Variants in ZPLD1 observed in about 807,000 individuals in gnomAD.
The protein encoded by ZPLD1 is zona pellucida like domain containing 1.
ZPLD1 carries 34 observed loss-of-function variants against 47.2 expected under a neutral mutation model. The ratio of observed to expected loss-of-function variants is 0.72; its 90% CI spans 0.55 to 0.96. The LOEUF is 0.96. Ranked by LOEUF, ZPLD1 falls within the 40% of genes least tolerant of loss-of-function variation. The pLI is 0.00. For synonymous variants in ZPLD1, 176 were observed against 186.2 expected (o/e 0.95, Z 0.45); for missense variants, 512 against 505.8 (o/e 1.01, Z -0.12).
At chr3:102,393,584 A>G (rs766016811) in intron 7 of ZPLD1, among the ~76,000 whole-genome samples, 18 of 152,040 alleles carry the variant, frequency 1.2e-4, no homozygotes, top group Non-Finnish European at 2.2e-4. Context: ...CATGGCAGAA[A>G]TCTACCTAAC....
chr3:102,453,225 A>G (rs1707366453), intron 4 of ZPLD1, 86 bp downstream of exon 4: 1 of 1,209,664 alleles, frequency 8.3e-7, no homozygotes, highest in Non-Finnish European at 1.2e-6. Context: ...TGCCCAATCT[A>G]TCTCTTGAGA....
chr3:102,474,162 C>G (rs543613640), intron 10 of ZPLD1, among the ~76,000 whole-genome samples: 34 of 152,254 alleles, frequency 2.2e-4, no homozygotes, highest in Admixed American at 2.2e-3. Flanking sequence ...AATGCAACCC[C>G]TCAAGAAAAA....
In ZPLD1 at chr3:102,438,595, T is replaced by C. The variant is rs1393483117; in HGVS notation, c.106+2T>C. The C allele has an allele frequency of 6.2e-7, 1 of 1,605,812 alleles. No individual in the cohort carries two copies. The highest frequency in any genetic ancestry group is 8.5e-7 in the Non-Finnish European group (1 of 1,172,564). ...CCAACCTCCACAGTAGATTTCCTGG[T>C]AAGTGTAAGCCTAATCTATTCTCTA... On this transcript the variant is annotated splice_donor_variant, in intron 3 of 11. Coordinates refer to ENST00000466937, the MANE Select transcript of ZPLD1 (RefSeq NM_001329788.2). LOFTEE classifies it high-confidence loss of function.
At chr3:102,444,420 C>T (rs141144792) in intron 3 of ZPLD1, among the ~76,000 whole-genome samples, 4 of 152,144 alleles carry the variant, frequency 2.6e-5, no homozygotes, top group African/African-American at 4.8e-5. Flanking sequence ...GTTGGTATTT[C>T]GTGTAGATGA....
chr3:102,391,610 A>G (rs1286588763), intron 6 of ZPLD1, among the ~76,000 whole-genome samples: 1 of 152,074 alleles, frequency 6.6e-6, no homozygotes, highest in Non-Finnish European at 1.5e-5. Context: ...AGGATCCAAT[A>G]GCCAGAACCT....
Position 102,478,367 on chromosome 3 carries a change from A to G in ZPLD1, c.*749A>G, listed in dbSNP as rs1176594953. ...ACCAGCACATGTTAACTCTCCTCCC[A>G]GGTAAACAGTTCAGCTGCTGTTGCA... On this transcript the variant is annotated 3_prime_UTR_variant, in exon 12 of 12. Coordinates refer to ENST00000466937, the MANE Select transcript of ZPLD1 (RefSeq NM_001329788.2). 1 of 151,700 alleles carries G rather than the reference A, an allele frequency of 6.6e-6. No homozygotes were observed. Among genetic ancestry groups the G allele is most frequent in the African/African-American group, 2.4e-5 (1 of 41,328 alleles). The allele number at this position is 151,700 out of a possible 1,614,324, so 9.4% of individuals were successfully genotyped here. A position where few individuals can be genotyped will look rare whatever the true frequency, so the allele number is the denominator to read the frequency against.
At chr3:102,385,487 C>T (rs1242439068) in intron 6 of ZPLD1, among the ~76,000 whole-genome samples, 1 of 152,084 alleles carries the variant, frequency 6.6e-6, no homozygotes, top group East Asian at 1.9e-4. Flanking sequence ...CATAAATAAT[C>T]CTTGAAATAC....
intron 3 of ZPLD1, among the ~76,000 whole-genome samples, chr3:102,445,927 G>A (rs1707249499): frequency 6.6e-6 from 1 of 152,090 alleles, no homozygotes; most frequent in Non-Finnish European, 1.5e-5. Context: ...TATTTAATGA[G>A]TTGCATTTTC....
At chr3:102,475,490 A>C (rs1198501869) in intron 10 of ZPLD1, among the ~76,000 whole-genome samples, 1 of 152,224 alleles carries the variant, frequency 6.6e-6, no homozygotes, top group Non-Finnish European at 1.5e-5. Context: ...ATAGCTTTCA[A>C]AAATAAATTT....
intron 5 of ZPLD1, among the ~76,000 whole-genome samples, chr3:102,456,882 G>A (rs761278715): frequency 1.8e-4 from 28 of 152,356 alleles, no homozygotes; most frequent in Non-Finnish European, 3.5e-4. Context: ...CTGGAAGGGT[G>A]CTCATGATTC....
At chr3:102,467,545 A>AAGAT (rs1402164660) in intron 8 of ZPLD1, among the ~76,000 whole-genome samples, 3 of 152,106 alleles carry the variant, frequency 2.0e-5, no homozygotes, top group Non-Finnish European at 4.4e-5. Flanking sequence ...AATTTAGTGT[A>AAGAT]AGATAGAGTG....
intron 8 of ZPLD1, among the ~76,000 whole-genome samples, chr3:102,466,172 C>T (rs1008206137): frequency 6.6e-6 from 1 of 152,160 alleles, no homozygotes; most frequent in African/African-American, 2.4e-5. Flanking sequence ...GAACCCAGGG[C>T]TGATGGTAGA....
At chr3:102,450,071 C>T (rs1707313579) in intron 3 of ZPLD1, among the ~76,000 whole-genome samples, 3 of 152,102 alleles carry the variant, frequency 2.0e-5, no homozygotes, top group South Asian at 4.1e-4. Context: ...AACAGAGTGG[C>T]ATACCTTAGA....
chr3:102,397,100 T>C (rs929867362), intron 7 of ZPLD1, among the ~76,000 whole-genome samples: 2 of 152,140 alleles, frequency 1.3e-5, no homozygotes, highest in African/African-American at 4.8e-5. Flanking sequence ...TGTTAGTTGC[T>C]TTTGAATAAA....
chr3:102,416,309 TATA>T (rs1258472907), intron 7 of ZPLD1, among the ~76,000 whole-genome samples: 1 of 151,876 alleles, frequency 6.6e-6, no homozygotes, highest in Non-Finnish European at 1.5e-5. Flanking sequence ...ACTTGTAGGG[TATA>T]TGGGTAGTGG....
chr3:102,471,954 T>C (rs1707692268), intron 10 of ZPLD1, among the ~76,000 whole-genome samples: 2 of 152,198 alleles, frequency 1.3e-5, no homozygotes, highest in South Asian at 2.1e-4. Flanking sequence ...TTAATGCTGT[T>C]ATTATGTTTC....
intron 5 of ZPLD1, among the ~76,000 whole-genome samples, chr3:102,456,889 A>G (rs1234674116): frequency 6.6e-6 from 1 of 152,186 alleles, no homozygotes; most frequent in Non-Finnish European, 1.5e-5. Flanking sequence ...GGTGCTCATG[A>G]TTCTCCCAGA....
intron 6 of ZPLD1, among the ~76,000 whole-genome samples, chr3:102,387,882 G>A (rs1417196922): frequency 1.7e-5 from 2 of 115,668 alleles, no homozygotes; most frequent in South Asian, 2.7e-4. Flanking sequence ...TTTGTGAGAC[G>A]GAGTCTCTCT....
At chr3:102,400,860 C>G (rs1254186826) in intron 7 of ZPLD1, among the ~76,000 whole-genome samples, 1 of 152,054 alleles carries the variant, frequency 6.6e-6, no homozygotes, top group Non-Finnish European at 1.5e-5. Flanking sequence ...CCTCTCACCA[C>G]TCTTCAAACT....
Sources: allele counts gnomAD v4.1 joint callset (sites outside exome capture counted in the v4.1 genomes callset), GRCh38; gene constraint gnomAD v4.1.1; transcripts MANE v1.5; gene names NCBI Gene and HGNC (gene_info 2026-07-23, HGNC 2026-07-21).